Variants in ZSWIM6 observed in about 807,000 individuals in gnomAD.
ZSWIM6 encodes zinc finger SWIM domain-containing protein 6.
Under a neutral mutation model 113.2 loss-of-function variants are expected in ZSWIM6, and 9 were observed. That is an observed-to-expected ratio of 0.08 (90% confidence interval 0.05 to 0.14). The LOEUF (loss-of-function observed/expected upper bound fraction) is 0.14. Among genes scored for constraint, ZSWIM6 ranks in the 10% least tolerant of loss-of-function variants. The pLI, the probability that ZSWIM6 is intolerant of heterozygous loss-of-function variation, is 1.00. For synonymous variants in ZSWIM6, 611 were observed against 606.5 expected (o/e 1.01, Z -0.11); for missense variants, 1,162 against 1,552.2 (o/e 0.75, Z 4.22).
chr5:61,495,940 A>T (rs1748303240), intron 4 of ZSWIM6, among the ~76,000 whole-genome samples: 1 of 152,122 alleles, frequency 6.6e-6, no homozygotes, highest in Non-Finnish European at 1.5e-5. Flanking sequence ...ATTACAAACG[A>T]CTGTTTAGGA....
chr5:61,387,761 A>G (rs1745618021), intron 1 of ZSWIM6, among the ~76,000 whole-genome samples: 1 of 151,688 alleles, frequency 6.6e-6, no homozygotes, highest in Non-Finnish European at 1.5e-5. Flanking sequence ...ACAAAAAAAA[A>G]TTAGCTGGGC....
At chr5:61,452,110 T>C (rs1747097760) in intron 1 of ZSWIM6, among the ~76,000 whole-genome samples, 2 of 152,280 alleles carry the variant, frequency 1.3e-5, no homozygotes, top group African/African-American at 4.8e-5. Context: ...GAAATTATCC[T>C]GAGCTTTGAG....
intron 3 of ZSWIM6, 109 bp from the exon 4 acceptor site, chr5:61,494,151 G>A: frequency 1.7e-6 from 2 of 1,209,016 alleles, no homozygotes; most frequent in South Asian, 2.9e-5. Context: ...CACACGGAGA[G>A]AGAGAGAGAG....
intron 1 of ZSWIM6, among the ~76,000 whole-genome samples, chr5:61,468,548 G>A (rs1747489131): frequency 6.6e-6 from 1 of 152,208 alleles, no homozygotes; most frequent in Admixed American, 6.5e-5. Context: ...TATCCTAGAG[G>A]AAGATTCTGC....
At chr5:61,511,805 TA>T (rs1409090333) in intron 4 of ZSWIM6, among the ~76,000 whole-genome samples, 1 of 152,130 alleles carries the variant, frequency 6.6e-6, no homozygotes, top group Non-Finnish European at 1.5e-5. Flanking sequence ...CACTTACCTT[TA>T]AAATAGAATA....
In ZSWIM6 at chr5:61,362,844, C is replaced by A. The variant is rs1381459518; in HGVS notation, c.676+29896C>A. ...TCAAGCCATTTTTAGACTGCTACCC[C>A]TGTAAAGTAAGAAAATTTACATCAC... On this transcript the variant is annotated intron_variant, in intron 1 of 13. Coordinates refer to ENST00000252744, the MANE Select transcript of ZSWIM6 (RefSeq NM_020928.2). 4.6e-5 allele frequency among the ~76,000 whole-genome samples: 7 copies of A among 152,210 alleles called. No individual in the cohort carries two copies. In the East Asian group the frequency reaches 1.3e-3, roughly 29 times the overall value.
chr5:61,354,471 CTG>C (rs1183042906), intron 1 of ZSWIM6, among the ~76,000 whole-genome samples: 2 of 152,152 alleles, frequency 1.3e-5, no homozygotes, highest in South Asian at 2.1e-4. Context: ...AATGAAATAA[CTG>C]TATGCCTTAG....
chr5:61,407,566 T>C (rs1169592767), intron 1 of ZSWIM6, among the ~76,000 whole-genome samples: 8 of 152,100 alleles, frequency 5.3e-5, no homozygotes, highest in Admixed American at 5.2e-4. Flanking sequence ...TCTTAAAATA[T>C]ATAAAAAAGA....
chr5:61,484,664 C>T (rs952278835), intron 2 of ZSWIM6, among the ~76,000 whole-genome samples: 7 of 152,042 alleles, frequency 4.6e-5, no homozygotes, highest in African/African-American at 1.7e-4. Context: ...CAGTTATAGA[C>T]CTAGTAGTTA....
chr5:61,345,325 T>G (rs1324239634), intron 1 of ZSWIM6, among the ~76,000 whole-genome samples: 1 of 152,222 alleles, frequency 6.6e-6, no homozygotes, highest in Non-Finnish European at 1.5e-5. Flanking sequence ...AGCTAGGTTT[T>G]AGTTGAAATA....
chr5:61,440,926 C>T (rs1336318914), intron 1 of ZSWIM6, among the ~76,000 whole-genome samples: 1 of 152,084 alleles, frequency 6.6e-6, no homozygotes, highest in African/African-American at 2.4e-5. Flanking sequence ...GCTATAATAG[C>T]GATCTGCAGA....
At chr5:61,377,546 C>T (rs1007506611) in intron 1 of ZSWIM6, among the ~76,000 whole-genome samples, 1 of 151,882 alleles carries the variant, frequency 6.6e-6, no homozygotes, top group Admixed American at 6.6e-5. Flanking sequence ...GGTGAAACCC[C>T]GTCTCTACTA....
chr5:61,541,088 C>T (rs1026206699), intron 12 of ZSWIM6, among the ~76,000 whole-genome samples: 3 of 151,962 alleles, frequency 2.0e-5, no homozygotes, highest in South Asian at 2.1e-4. Flanking sequence ...GGACTACAGG[C>T]GCACGCCACC....
intron 1 of ZSWIM6, among the ~76,000 whole-genome samples, chr5:61,453,852 A>C (rs1245112390): frequency 6.8e-6 from 1 of 146,976 alleles, no homozygotes; most frequent in African/African-American, 2.5e-5. Flanking sequence ...CACAGTTATT[A>C]ATAAAATATT....
At chr5:61,471,738 A>G (rs1747576921) in intron 1 of ZSWIM6, among the ~76,000 whole-genome samples, 1 of 152,212 alleles carries the variant, frequency 6.6e-6, no homozygotes, top group South Asian at 2.1e-4. Context: ...GTGGAACAGT[A>G]GAACAGTTTC....
intron 1 of ZSWIM6, among the ~76,000 whole-genome samples, chr5:61,470,167 A>G (rs1452032438): frequency 2.0e-5 from 3 of 152,246 alleles, no homozygotes; most frequent in Admixed American, 6.5e-5. Context: ...GTTATCTCCA[A>G]TATCACTTTT....
chr5:61,445,231 TA>T (rs1388106195), intron 1 of ZSWIM6, among the ~76,000 whole-genome samples: 2 of 152,020 alleles, frequency 1.3e-5, no homozygotes, highest in African/African-American at 2.4e-5. Flanking sequence ...CTCTGTCATT[TA>T]AAAAAAAGTT....
chr5:61,334,294 A>G (rs991332374), intron 1 of ZSWIM6, among the ~76,000 whole-genome samples: 3 of 152,166 alleles, frequency 2.0e-5, no homozygotes, highest in African/African-American at 7.2e-5. Flanking sequence ...GCCAGACTGA[A>G]AAGAACAATG....
intron 1 of ZSWIM6, among the ~76,000 whole-genome samples, chr5:61,385,114 G>C (rs975377851): frequency 2.0e-5 from 3 of 152,164 alleles, no homozygotes; most frequent in Non-Finnish European, 2.9e-5. Context: ...TAAGTGGTCT[G>C]TGCAGCCCCT....
Sources: gnomAD v4.1 joint callset for allele counts (sites outside exome capture counted in the v4.1 genomes callset) on GRCh38, gnomAD v4.1.1 for gene constraint, MANE v1.5 for transcripts, NCBI Gene and HGNC (gene_info 2026-07-23, HGNC 2026-07-21) for gene names.